ROBO2: variants seen among roughly 807,000 people sequenced by gnomAD.
The protein encoded by ROBO2 is roundabout guidance receptor 2, also known as roundabout homolog 2.
ROBO2 carries 53 observed loss-of-function variants against 160.8 expected under a neutral mutation model. The ratio of observed to expected loss-of-function variants is 0.33; its 90% CI spans 0.26 to 0.41. ROBO2 has a LOEUF of 0.41. Among genes scored for constraint, ROBO2 ranks in the 10% least tolerant of loss-of-function variants. The pLI, the probability that ROBO2 is intolerant of heterozygous loss-of-function variation, is 1.00. For missense variants in ROBO2, 1,577 were observed against 1,722.4 expected (o/e 0.92, Z 1.49); for synonymous variants, 664 against 611.7 (o/e 1.09, Z -1.26).
chr3:77,141,601 A>G (rs116589451), intron 2 of ROBO2, among the ~76,000 whole-genome samples: 1,671 of 152,322 alleles, frequency 0.011, 29 homozygotes, highest in African/African-American at 0.038. Flanking sequence ...TTTATGACCC[A>G]TTCTTGATAA....
chr3:77,102,849 C>CA (rs35802711), intron 2 of ROBO2, among the ~76,000 whole-genome samples: 4,286 of 107,466 alleles, frequency 0.04, 103 homozygotes, highest in African/African-American at 0.081. Flanking sequence ...TCTTAGTTTG[C>CA]AAAAAAAAAA....
At chr3:76,710,538 T>C (rs1319535938) in intron 2 of ROBO2, among the ~76,000 whole-genome samples, 2 of 152,208 alleles carry the variant, frequency 1.3e-5, no homozygotes, top group Non-Finnish European at 2.9e-5. Flanking sequence ...TTGACCCTAC[T>C]GAAAACTGCC....
intron 2 of ROBO2, among the ~76,000 whole-genome samples, chr3:76,779,167 T>C (rs533417393): frequency 6.6e-6 from 1 of 151,120 alleles, no homozygotes; most frequent in Non-Finnish European, 1.5e-5. Context: ...TTCTACTCCT[T>C]TAAAAAATAT....
chr3:76,006,176 G>A (rs1163050163), intron 2 of ROBO2, among the ~76,000 whole-genome samples: 3 of 152,044 alleles, frequency 2.0e-5, no homozygotes, highest in East Asian at 3.9e-4. Flanking sequence ...GAATCATCAA[G>A]TTGTTCTTGA....
At chr3:76,146,790 C>T in intron 2 of ROBO2, among the ~76,000 whole-genome samples, 1 of 88,356 alleles carries the variant, frequency 1.1e-5, no homozygotes, top group Non-Finnish European at 2.5e-5. Flanking sequence ...ACCACAGACA[C>T]CCACTGCCCA....
At chr3:76,744,584 A>T (rs2093854502) in intron 2 of ROBO2, among the ~76,000 whole-genome samples, 1 of 151,826 alleles carries the variant, frequency 6.6e-6, no homozygotes, top group African/African-American at 2.4e-5. Flanking sequence ...CTGGTCTCAA[A>T]TTTCTGTCTT....
chr3:76,377,658 A>G (rs2076412953), intron 2 of ROBO2, among the ~76,000 whole-genome samples: 1 of 152,154 alleles, frequency 6.6e-6, no homozygotes, highest in African/African-American at 2.4e-5. Context: ...AAAACTGAAG[A>G]CCAAAGTTCA....
intron 2 of ROBO2, among the ~76,000 whole-genome samples, chr3:77,110,637 A>G (rs1393059594): frequency 6.7e-6 from 1 of 149,116 alleles, no homozygotes; most frequent in Non-Finnish European, 1.5e-5. Context: ...GCATAAGACT[A>G]TATATATATA....
intron 2 of ROBO2, among the ~76,000 whole-genome samples, chr3:76,230,201 C>G (rs550694731): frequency 6.6e-6 from 1 of 152,174 alleles, no homozygotes; most frequent in East Asian, 1.9e-4. Context: ...AAATAAGGAC[C>G]TTTTTCTTCA....
chr3:76,033,660 T>C (rs1270841696), intron 2 of ROBO2, among the ~76,000 whole-genome samples: 1 of 152,220 alleles, frequency 6.6e-6, no homozygotes, highest in Non-Finnish European at 1.5e-5. Context: ...TTGGGTACGA[T>C]GTCATGAGAC....
At chr3:76,133,834 C>T (rs577135863) in intron 2 of ROBO2, among the ~76,000 whole-genome samples, 2 of 152,012 alleles carry the variant, frequency 1.3e-5, no homozygotes, top group Admixed American at 6.6e-5. Context: ...CCACCCAGAT[C>T]GAGGGTGGAT....
chr3:76,492,095 C>T (rs993317257), intron 2 of ROBO2, among the ~76,000 whole-genome samples: 21 of 151,792 alleles, frequency 1.4e-4, no homozygotes, highest in Non-Finnish European at 2.8e-4. Context: ...CCAGCCTGGG[C>T]GACAGAGCAA....
intron 2 of ROBO2, among the ~76,000 whole-genome samples, chr3:76,338,625 A>G (rs2074032666): frequency 6.6e-6 from 1 of 151,934 alleles, no homozygotes; most frequent in African/African-American, 2.4e-5. Flanking sequence ...ACATTGAGCT[A>G]TGATTGCCCC....
At chr3:76,027,763 T>A (rs772466860) in intron 2 of ROBO2, among the ~76,000 whole-genome samples, 11 of 151,976 alleles carry the variant, frequency 7.2e-5, no homozygotes, top group Non-Finnish European at 1.6e-4. Flanking sequence ...AAATTTGAAC[T>A]TCAGATAAGC....
intron 2 of ROBO2, among the ~76,000 whole-genome samples, chr3:76,093,451 G>T (rs1345605082): frequency 3.4e-5 from 5 of 146,562 alleles, no homozygotes; most frequent in Non-Finnish European, 7.5e-5. Context: ...AGGCCTGCTT[G>T]AAAAAAATAC....
At chr3:77,312,641 T>C (rs1178831617) in intron 2 of ROBO2, among the ~76,000 whole-genome samples, 2 of 152,226 alleles carry the variant, frequency 1.3e-5, no homozygotes, top group Non-Finnish European at 2.9e-5. Flanking sequence ...TTTTCATTCT[T>C]AGGCCATAAA....
At chr3:76,184,935 G>A (rs1216434474) in intron 2 of ROBO2, among the ~76,000 whole-genome samples, 1 of 151,706 alleles carries the variant, frequency 6.6e-6, no homozygotes, top group Non-Finnish European at 1.5e-5. Context: ...ATTGGATAGT[G>A]CCTTCCCACA....
At chr3:77,037,053 A>G (rs980391616), upstream of ROBO2, among the ~76,000 whole-genome samples, 2 of 152,022 alleles carry the variant, frequency 1.3e-5, no homozygotes, top group Non-Finnish European at 2.9e-5. Context: ...AGATCTTATC[A>G]TATATCTCAG....
At chr3:76,005,227 A>G (rs754259320) in intron 2 of ROBO2, among the ~76,000 whole-genome samples, 20 of 152,226 alleles carry the variant, frequency 1.3e-4, no homozygotes, top group South Asian at 4.1e-4. Flanking sequence ...TTGAATGAAT[A>G]TTAGTAAGAA....
Sources: gnomAD v4.1 joint callset for allele counts (sites outside exome capture counted in the v4.1 genomes callset) on GRCh38, gnomAD v4.1.1 for gene constraint, MANE v1.5 for transcripts, NCBI Gene and HGNC (gene_info 2026-07-23, HGNC 2026-07-21) for gene names.